The following TNN variants were observed in gnomAD, a reference collection of about 807,000 sequenced individuals.
The protein encoded by TNN is tenascin N, also known as tenascin-N.
TNN carries 122 observed loss-of-function variants against 134.4 expected under a neutral mutation model. That is an observed-to-expected ratio of 0.91 (90% CI 0.78 to 1.06). The LOEUF is 1.06. Among genes scored for constraint, TNN ranks in the 50% least tolerant of loss-of-function variants. The pLI, the probability that TNN is intolerant of heterozygous loss-of-function variation, is 0.00. For missense variants in TNN, 1,739 were observed against 1,699.4 expected (o/e 1.02, Z -0.41); for synonymous variants, 710 against 670.3 (o/e 1.06, Z -0.91).
chr1:175,085,282 A>C (rs1573759), intron 5 of TNN, 123 bp from the exon 6 acceptor site: 1 of 658,194 alleles, frequency 1.5e-6, no homozygotes, highest in Non-Finnish European at 2.8e-6. Context: ...ATACAGATTC[A>C]TCTTTGGAGG....
intron 6 of TNN, among the ~76,000 whole-genome samples, chr1:175,085,831 G>A (rs1414240536): frequency 7.5e-6 from 1 of 133,204 alleles, no homozygotes; most frequent in Non-Finnish European, 1.5e-5. Flanking sequence ...CCGAGATCGT[G>A]CCATTGCACT....
intron 17 of TNN, among the ~76,000 whole-genome samples, chr1:175,141,858 T>A (rs1424962551): frequency 6.6e-6 from 1 of 152,202 alleles, no homozygotes; most frequent in African/African-American, 2.4e-5. Context: ...AACATTAGGA[T>A]GGCTTCAGTT....
At chr1:175,111,129 C>A (rs1675012530) in intron 9 of TNN, among the ~76,000 whole-genome samples, 1 of 152,056 alleles carries the variant, frequency 6.6e-6, no homozygotes, top group Non-Finnish European at 1.5e-5. Context: ...ACCAGCCTGG[C>A]CAACACGGTG....
chr1:175,112,224 C>G lies in TNN; in HGVS notation c.2120-4715C>G, dbSNP rs1005796301. 7.3e-5 allele frequency among the ~76,000 whole-genome samples: 11 copies of G among 151,502 alleles called. 1 individual carries two copies. On this transcript the variant is annotated intron_variant, in intron 9 of 18. Transcript: ENST00000239462. ...AAACGTTGTTGAATGTTATCAAATG[C>G]TTTTTGCATCTATTGAGATGATATT...
rs1333639300 is a variant in TNN at position 175,107,141 on chromosome 1, C to T, written c.2119+8546C>T. 1.4e-5 allele frequency among the ~76,000 whole-genome samples: 2 copies of T among 146,386 alleles called. 1 individual carries two copies. Among genetic ancestry groups the T allele is most frequent in the Non-Finnish European group, 3.0e-5 (2 of 65,916 alleles). ...ATTGGTGGGTTCTTGGTCTCACTGA[C>T]TTCAAGGATGAAGCCGCAAACCCTC... On this transcript the variant is annotated intron_variant, in intron 9 of 18. Transcript: ENST00000239462.
chr1:175,111,905 G>A (rs1166955395), intron 9 of TNN, among the ~76,000 whole-genome samples: 1 of 151,610 alleles, frequency 6.6e-6, no homozygotes, highest in Non-Finnish European at 1.5e-5. Context: ...GCTTGTTAGG[G>A]TTTTCTATAT....
chr1:175,123,101 T>G (rs1675418873), intron 11 of TNN, among the ~76,000 whole-genome samples: 1 of 152,216 alleles, frequency 6.6e-6, no homozygotes, highest in South Asian at 2.1e-4. Context: ...AGAGGTTATA[T>G]CCACAGCAGT....
intron 17 of TNN, among the ~76,000 whole-genome samples, chr1:175,137,721 G>A (rs1476694189): frequency 1.3e-5 from 2 of 152,136 alleles, no homozygotes; most frequent in African/African-American, 4.8e-5. Context: ...CGGTATTTAT[G>A]GTTTTTAAAC....
intron 11 of TNN, among the ~76,000 whole-genome samples, chr1:175,120,469 C>G (rs1307744849): frequency 6.6e-6 from 1 of 152,192 alleles, no homozygotes; most frequent in Non-Finnish European, 1.5e-5. Context: ...ATGTCCAGGG[C>G]TGATACGGTA....
chr1:175,139,612 A>G (rs1195067868), intron 17 of TNN, among the ~76,000 whole-genome samples: 10 of 68,780 alleles, frequency 1.5e-4, no homozygotes, highest in Non-Finnish European at 3.4e-4. Context: ...GCTGTTTTAC[A>G]GGATTTTTTT....
intron 9 of TNN, among the ~76,000 whole-genome samples, chr1:175,116,035 C>G (rs1675156894): frequency 6.6e-6 from 1 of 152,004 alleles, no homozygotes; most frequent in Non-Finnish European, 1.5e-5. Flanking sequence ...ATTCTGCACT[C>G]TCCTTTAGTT....
chr1:175,099,301 T>C (rs1373643516), intron 9 of TNN, among the ~76,000 whole-genome samples: 1 of 152,094 alleles, frequency 6.6e-6, no homozygotes, highest in Non-Finnish European at 1.5e-5. Context: ...TTGGCGTTGC[T>C]GGGAGAGGTA....
intron 9 of TNN, among the ~76,000 whole-genome samples, chr1:175,115,499 C>G (rs921507355): frequency 6.6e-6 from 1 of 152,170 alleles, no homozygotes; most frequent in African/African-American, 2.4e-5. Flanking sequence ...GGAGTCGTTC[C>G]ACTGCTGCTT....
rs191617905 is a variant in TNN at position 175,109,278 on chromosome 1, C to T, written c.2120-7661C>T. Among the ~76,000 whole-genome samples, 336 of 148,112 alleles carry T rather than the reference C, an allele frequency of 2.3e-3. 3 individuals carry two copies. The highest frequency in any genetic ancestry group is 8.1e-3 in the African/African-American group (322 of 39,742). On this transcript the variant is annotated intron_variant, in intron 9 of 18. Transcript: ENST00000239462. ...TAATTTTTTGTATTTTTAGTAGAGA[C>T]GGGGTTTCACCTTGTTAGCCAGGAT...
At chr1:175,134,369 A>T (rs1462473201) in intron 15 of TNN, among the ~76,000 whole-genome samples, 1 of 151,878 alleles carries the variant, frequency 6.6e-6, no homozygotes, top group Non-Finnish European at 1.5e-5. Flanking sequence ...ATATGGTGAA[A>T]CCCCGTCTCT....
At chr1:175,120,949 T>C (rs1675358369) in intron 11 of TNN, among the ~76,000 whole-genome samples, 1 of 152,150 alleles carries the variant, frequency 6.6e-6, no homozygotes, top group African/African-American at 2.4e-5. Context: ...CATAGGCACG[T>C]GCCACTAAAC....
rs752985179 is a variant in TNN at position 175,144,362 on chromosome 1, C to A, written c.3596-25C>A. The A allele has an allele frequency of 2.5e-6, 4 of 1,608,784 alleles. No individual in the cohort carries two copies. In the African/African-American group the frequency reaches 4.0e-5, roughly 16 times the overall value. Reference sequence around the variant, plus strand: ...TCCTCGGTGGCTAACCCTGGGCTCTCGCCTCCGTCTCTTCTCTCCTGCAGG... The same window carrying A: ...TCCTCGGTGGCTAACCCTGGGCTCTAGCCTCCGTCTCTTCTCTCCTGCAGG... On this transcript the variant is annotated intron_variant, in intron 17 of 18. Coordinates refer to ENST00000239462, the MANE Select transcript of TNN (RefSeq NM_022093.2).
chr1:175,080,121 C>T, intron 3 of TNN, 42 bp from the exon 4 acceptor site: 1 of 1,605,708 alleles, frequency 6.2e-7, no homozygotes, highest in African/African-American at 1.3e-5. Context: ...TGGATCGCCT[C>T]CCTTGCTCAC....
At position 175,117,205 on chromosome 1, in the gene TNN, G is replaced by A. The variant is rs2101835211; in HGVS notation, c.2386G>A (p.Asp796Asn). 1 of 1,613,766 alleles carries A rather than the reference G, an allele frequency of 6.2e-7. No homozygotes were observed. The highest frequency in any genetic ancestry group is 8.5e-7 in the Non-Finnish European group (1 of 1,179,924). Residue 796 changes from aspartate to asparagine, a missense_variant and splice_region_variant, in exon 10 of 19, where the codon GAC (aspartate) becomes AAC (asparagine). Physicochemically the swap from Asp to Asn is conservative, Grantham distance 23. Coordinates refer to ENST00000239462, the MANE Select transcript of TNN (RefSeq NM_022093.2). ...SKKADTKAQT[D>N]IDSPQNLVTD... ...GAAGGCTGACACCAAGGCCCAGACA[G>A]GTAAGGAGCATTGTTCTTTGGGAAT...
Sources: gnomAD v4.1 joint callset for allele counts (sites outside exome capture counted in the v4.1 genomes callset) on GRCh38, gnomAD v4.1.1 for gene constraint, MANE v1.5 for transcripts, NCBI Gene and HGNC (gene_info 2026-07-23, HGNC 2026-07-21) for gene names.